Variants in OSBPL8 observed in about 807,000 individuals in gnomAD.
OSBPL8 encodes the protein oxysterol-binding protein-related protein 8.
OSBPL8 carries 59 observed loss-of-function variants against 125.5 expected under a neutral mutation model. That is an observed-to-expected ratio of 0.47 (90% CI 0.38 to 0.58). OSBPL8 has a LOEUF of 0.58. Among genes scored for constraint, OSBPL8 ranks in the 20% least tolerant of loss-of-function variants. OSBPL8 has a pLI of 0.00. For synonymous variants in OSBPL8, 330 were observed against 338.9 expected (o/e 0.97, Z 0.29); for missense variants, 758 against 1,047.8 (o/e 0.72, Z 3.82).
intron 1 of OSBPL8, among the ~76,000 whole-genome samples, chr12:76,505,505 A>T (rs548325311): frequency 1.3e-5 from 2 of 152,240 alleles, no homozygotes; most frequent in Non-Finnish European, 1.5e-5. Context: ...ATTAAAATAT[A>T]TTGTGTATTA....
At chr12:76,515,509 T>C (rs1161978581) in intron 1 of OSBPL8, among the ~76,000 whole-genome samples, 1 of 152,190 alleles carries the variant, frequency 6.6e-6, no homozygotes, top group Non-Finnish European at 1.5e-5. Flanking sequence ...CTTGCTCGGA[T>C]GGGTGGCTCC....
intron 2 of OSBPL8, among the ~76,000 whole-genome samples, chr12:76,460,117 T>C (rs1464945076): frequency 6.6e-6 from 1 of 152,226 alleles, no homozygotes; most frequent in East Asian, 1.9e-4. Flanking sequence ...GTATCAAATA[T>C]TTGTTTTATC....
intron 4 of OSBPL8, among the ~76,000 whole-genome samples, chr12:76,421,300 T>C (rs1245125467): frequency 6.6e-6 from 1 of 151,990 alleles, no homozygotes; most frequent in East Asian, 1.9e-4. Context: ...ACGACTAAAA[T>C]TTACACCATT....
intron 1 of OSBPL8, among the ~76,000 whole-genome samples, chr12:76,548,656 CCT>C (rs1950851283): frequency 6.6e-6 from 1 of 152,196 alleles, no homozygotes; most frequent in East Asian, 1.9e-4. Flanking sequence ...GCAGCTAGCT[CCT>C]CTCTCTTTTA....
intron 1 of OSBPL8, among the ~76,000 whole-genome samples, chr12:76,497,413 G>T (rs537505370): frequency 1.3e-5 from 2 of 152,124 alleles, no homozygotes; most frequent in Middle Eastern, 3.4e-3. Flanking sequence ...GGTTAACATC[G>T]CGTGTAAATA....
chr12:76,470,081 T>C (rs1178986928), intron 2 of OSBPL8, among the ~76,000 whole-genome samples: 2 of 152,236 alleles, frequency 1.3e-5, no homozygotes, highest in Non-Finnish European at 2.9e-5. Flanking sequence ...AAACATGAAT[T>C]ACATTTCTTC....
intron 21 of OSBPL8, chr12:76,366,435 C>T (rs1472860037): frequency 3.9e-5 from 11 of 280,718 alleles, no homozygotes. Context: ...TTCTTTCTTG[C>T]TTCCTTAGCC....
chr12:76,542,812 G>A (rs1950682884), intron 1 of OSBPL8, among the ~76,000 whole-genome samples: 1 of 152,046 alleles, frequency 6.6e-6, no homozygotes, highest in Admixed American at 6.6e-5. Context: ...ATGGTCTCAG[G>A]CCTCACATGA....
Position 76,514,269 on chromosome 12 carries a change from C to A in OSBPL8, c.-67-26651G>T, listed in dbSNP as rs530331778. On this transcript the variant is annotated intron_variant, in intron 1 of 23. Transcript: ENST00000261183. Reference sequence around the variant, plus strand: ...AAGCGATTCTCCTGCCTTAGCCTCCCAAGTAGCTGGGGCTACAGCTGCCTG... The same window carrying A: ...AAGCGATTCTCCTGCCTTAGCCTCCAAAGTAGCTGGGGCTACAGCTGCCTG... Among the ~76,000 whole-genome samples, 25 of 152,040 alleles carry A rather than the reference C, an allele frequency of 1.6e-4. No individual in the cohort carries two copies. In the South Asian group the frequency reaches 5.0e-3, roughly 30 times the overall value.
chr12:76,453,238 T>A (rs971214289), intron 3 of OSBPL8, among the ~76,000 whole-genome samples: 2 of 152,214 alleles, frequency 1.3e-5, no homozygotes, highest in Non-Finnish European at 1.5e-5. Flanking sequence ...CCTACCATAC[T>A]AAAGATGTTC....
At chr12:76,466,907 G>T (rs375257060) in intron 2 of OSBPL8, among the ~76,000 whole-genome samples, 15 of 151,966 alleles carry the variant, frequency 9.9e-5, no homozygotes, top group East Asian at 5.8e-4. Flanking sequence ...GGAGGCTGCA[G>T]TGAGCCAAGA....
chr12:76,384,688 T>G (rs1273973183), intron 14 of OSBPL8, among the ~76,000 whole-genome samples: 1 of 152,142 alleles, frequency 6.6e-6, no homozygotes, highest in Non-Finnish European at 1.5e-5. Context: ...CAATCATTAG[T>G]TCTGAAAAGC....
chr12:76,434,813 G>C (rs538185579), intron 4 of OSBPL8, among the ~76,000 whole-genome samples: 54 of 152,196 alleles, frequency 3.5e-4, no homozygotes, highest in African/African-American at 1.2e-3. Context: ...CCTCAATGAG[G>C]TATCACTTCA....
At chr12:76,478,323 A>C (rs1565929742) in intron 2 of OSBPL8, among the ~76,000 whole-genome samples, 1 of 152,098 alleles carries the variant, frequency 6.6e-6, no homozygotes, top group African/African-American at 2.4e-5. Context: ...AATAATATAA[A>C]GTACCATGGT....
intron 12 of OSBPL8, among the ~76,000 whole-genome samples, chr12:76,389,152 C>T (rs1953450238): frequency 6.6e-6 from 1 of 152,112 alleles, no homozygotes; most frequent in Non-Finnish European, 1.5e-5. Context: ...GATCAGCTGG[C>T]GGCTTCAGAA....
chr12:76,454,853 TA>T (rs202165441), intron 3 of OSBPL8, among the ~76,000 whole-genome samples: 49 of 144,448 alleles, frequency 3.4e-4, no homozygotes, highest in African/African-American at 1.2e-3. Context: ...TAAAAAACAA[TA>T]AAAAAAAGAC....
intron 1 of OSBPL8, among the ~76,000 whole-genome samples, chr12:76,508,461 C>T (rs779717120): frequency 2.0e-4 from 30 of 152,026 alleles, no homozygotes; most frequent in Admixed American, 1.5e-3. Flanking sequence ...TTGTCAGTTG[C>T]GTTTGAACCA....
intron 23 of OSBPL8, 27 bp downstream of exon 23, chr12:76,356,599 G>A: frequency 7.1e-7 from 1 of 1,409,788 alleles, no homozygotes; most frequent in African/African-American, 1.4e-5. Flanking sequence ...GGTCTCAAAT[G>A]AATAGTCAGT....
chr12:76,442,828 C>T (rs1207780124), intron 4 of OSBPL8, among the ~76,000 whole-genome samples: 6 of 152,164 alleles, frequency 3.9e-5, no homozygotes, highest in Admixed American at 3.9e-4. Flanking sequence ...AATGAAGGTA[C>T]TCCATGTTAG....
Sources: allele counts gnomAD v4.1 joint callset (sites outside exome capture counted in the v4.1 genomes callset), GRCh38; gene constraint gnomAD v4.1.1; transcripts MANE v1.5; gene names NCBI Gene and HGNC (gene_info 2026-07-23, HGNC 2026-07-21).